The following SNTG2 variants were observed in gnomAD, a reference collection of about 807,000 sequenced individuals.
SNTG2 encodes gamma-2-syntrophin.
In SNTG2, 74 loss-of-function variants were observed where a neutral mutation model predicts 70.9. The observed-to-expected ratio is 1.04, with a 90% confidence interval of 0.86 to 1.27. SNTG2 has a LOEUF of 1.27. SNTG2 is among the 50% of genes most tolerant of loss of function. The pLI, the probability that SNTG2 is intolerant of heterozygous loss-of-function variation, is 0.00. For synonymous variants in SNTG2, 278 were observed against 273.8 expected, an observed-to-expected ratio of 1.02 and a Z score of -0.15; for missense variants, 717 against 690.7, an observed-to-expected ratio of 1.04 and a Z score of -0.43.
At chr2:1,146,308 A>C (rs1253249459) in intron 6 of SNTG2, among the ~76,000 whole-genome samples, 1 of 152,220 alleles carries the variant, frequency 6.6e-6, no homozygotes, top group Non-Finnish European at 1.5e-5. Context: ...TTACATTAGC[A>C]CTAAAAGAAA....
chr2:1,127,305 C>G (rs1667753047), intron 4 of SNTG2, among the ~76,000 whole-genome samples: 1 of 151,820 alleles, frequency 6.6e-6, no homozygotes, highest in Non-Finnish European at 1.5e-5. Context: ...GGATACTTAT[C>G]TTGTTTGATT....
intron 4 of SNTG2, among the ~76,000 whole-genome samples, chr2:1,119,520 A>T (rs1667246901): frequency 6.6e-6 from 1 of 152,004 alleles, no homozygotes; most frequent in African/African-American, 2.4e-5. Flanking sequence ...TGACATCAAG[A>T]ACATAAACTG....
At chr2:1,139,921 T>C (rs554394806) in intron 6 of SNTG2, among the ~76,000 whole-genome samples, 1 of 152,244 alleles carries the variant, frequency 6.6e-6, no homozygotes, top group African/African-American at 2.4e-5. Context: ...AATATACTTT[T>C]TGAACCAGAC....
intron 4 of SNTG2, among the ~76,000 whole-genome samples, chr2:1,102,892 C>A (rs558874346): frequency 4.9e-4 from 74 of 152,326 alleles, no homozygotes; most frequent in Admixed American, 1.7e-3. Flanking sequence ...TCAGCTCACT[C>A]GCACCTTGAA....
At position 1,097,206 on chromosome 2, in the gene SNTG2, G is replaced by C. The variant is rs1665448870; in HGVS notation, c.211-990G>C. Reference sequence around the variant, plus strand: ...AGAAGGACATTCCTGGGGTATCTCAGGCTGCGGAAGCCCTCACAGCAGCCT... The same window carrying C: ...AGAAGGACATTCCTGGGGTATCTCACGCTGCGGAAGCCCTCACAGCAGCCT... On this transcript the variant is annotated intron_variant, in intron 2 of 16. Coordinates refer to ENST00000308624, the MANE Select transcript of SNTG2 (RefSeq NM_018968.4). The surrounding 1 kb of genome is among the most constrained non-coding windows in gnomAD (Gnocchi z 4.1). 6.6e-6 allele frequency among the ~76,000 whole-genome samples: 1 copy of C among 152,162 alleles called. No individual in the cohort carries two copies. The highest frequency in any genetic ancestry group is 2.4e-5 in the African/African-American group (1 of 41,440).
intron 9 of SNTG2, among the ~76,000 whole-genome samples, chr2:1,231,944 T>C (rs1351844276): frequency 6.6e-6 from 1 of 152,152 alleles, no homozygotes; most frequent in Non-Finnish European, 1.5e-5. Flanking sequence ...TCGTGATGGC[T>C]CCACGGCAAG....
intron 8 of SNTG2, among the ~76,000 whole-genome samples, chr2:1,192,303 C>G (rs1233097097): frequency 6.6e-6 from 1 of 152,212 alleles, no homozygotes; most frequent in Non-Finnish European, 1.5e-5. Flanking sequence ...GGAGAGTGCT[C>G]TGCAGCGGGT....
intron 4 of SNTG2, among the ~76,000 whole-genome samples, chr2:1,115,236 TGAG>T (rs1488124712): frequency 4.1e-5 from 6 of 147,668 alleles, no homozygotes; most frequent in African/African-American, 1.5e-4. Context: ...TATAGTTCTT[TGAG>T]GAGAATTTCG....
intron 1 of SNTG2, among the ~76,000 whole-genome samples, chr2:957,185 C>T (rs1660192888): frequency 6.6e-6 from 1 of 152,198 alleles, no homozygotes; most frequent in South Asian, 2.1e-4. Context: ...TCATAGTTAG[C>T]ATAGGTCATA....
At chr2:982,319 G>A (rs770098639) in intron 1 of SNTG2, among the ~76,000 whole-genome samples, 2 of 152,060 alleles carry the variant, frequency 1.3e-5, no homozygotes, top group African/African-American at 2.4e-5. Context: ...AGGAATTCAC[G>A]TTCCACACTT....
intron 4 of SNTG2, among the ~76,000 whole-genome samples, chr2:1,124,186 T>C (rs1253482254): frequency 6.6e-6 from 1 of 152,202 alleles, no homozygotes; most frequent in African/African-American, 2.4e-5. Flanking sequence ...TTGCTTTCAT[T>C]ATCCCATATT....
Position 1,268,921 on chromosome 2 carries a change from C to T in SNTG2, c.1284+1350C>T, listed in dbSNP as rs185981272. Among the ~76,000 whole-genome samples, 152 of 152,244 alleles carry T rather than the reference C, an allele frequency of 1.0e-3. 1 individual carries two copies. Among genetic ancestry groups the T allele is most frequent in the South Asian group, 6.2e-4 (3 of 4,808 alleles). On this transcript the variant is annotated intron_variant, in intron 14 of 16. Transcript: ENST00000308624. Reference sequence around the variant, plus strand: ...CGTGTGTGTGCAGGGCTGCCCCACACCCTCTAGTGCCCCAGGGCCCATGCC... The same window carrying T: ...CGTGTGTGTGCAGGGCTGCCCCACATCCTCTAGTGCCCCAGGGCCCATGCC...
chr2:1,337,228 T>C (rs571900292), intron 16 of SNTG2, among the ~76,000 whole-genome samples: 12 of 152,178 alleles, frequency 7.9e-5, no homozygotes, highest in Non-Finnish European at 1.8e-4. Context: ...TGCTGGATCA[T>C]GTGGTAATTC....
chr2:1,139,296 T>C (rs1668598475), intron 6 of SNTG2, among the ~76,000 whole-genome samples: 1 of 152,170 alleles, frequency 6.6e-6, no homozygotes, highest in Non-Finnish European at 1.5e-5. Context: ...AGTGGCATAA[T>C]CTCGGCTCAC....
intron 1 of SNTG2, among the ~76,000 whole-genome samples, chr2:1,076,762 G>A (rs1299611306): frequency 1.3e-5 from 2 of 151,988 alleles, no homozygotes; most frequent in African/African-American, 4.8e-5. Context: ...TTTTATGAAG[G>A]TAAATCAACT....
rs113894351 is a variant in SNTG2, at chr2:1,319,794, G to A, written c.1488+3419G>A. On this transcript the variant is annotated intron_variant, in intron 16 of 16. Transcript: ENST00000308624. The stretch of plus-strand genomic sequence containing the variant: ...TTTTCAGAAGTCACCTTCACACACT[G>A]AGGTTGTGCATTTATCAACGTATGA... Among the ~76,000 whole-genome samples the A allele has an allele frequency of 7.6e-3, 1,153 of 152,276 alleles. 11 individuals are homozygous for A. The highest frequency in any genetic ancestry group is 0.026 in the African/African-American group (1,087 of 41,560).
chr2:1,151,597 T>C (rs1429525436), intron 6 of SNTG2, among the ~76,000 whole-genome samples: 2 of 152,200 alleles, frequency 1.3e-5, no homozygotes, highest in Non-Finnish European at 2.9e-5. Context: ...TCTTCCACTC[T>C]AGGAACCTTC....
chr2:1,291,402 A>G (rs978090764), intron 14 of SNTG2, among the ~76,000 whole-genome samples: 18 of 152,188 alleles, frequency 1.2e-4, no homozygotes, highest in Non-Finnish European at 1.5e-4. Flanking sequence ...TTTTGGTGTC[A>G]TATCCAAGAA....
chr2:1,254,360 T>C (rs1677928416), intron 12 of SNTG2, among the ~76,000 whole-genome samples: 1 of 152,230 alleles, frequency 6.6e-6, no homozygotes, highest in African/African-American at 2.4e-5. Context: ...TATTTATTTC[T>C]GATTTGTACA....
Sources: gnomAD v4.1 joint callset for allele counts (sites outside exome capture counted in the v4.1 genomes callset) on GRCh38, gnomAD v4.1.1 for gene constraint, Gnocchi (gnomAD v3.1) non-coding constraint, MANE v1.5 for transcripts, NCBI Gene and HGNC (gene_info 2026-07-23, HGNC 2026-07-21) for gene names.